Variants in FGF14 observed in about 807,000 individuals in gnomAD.
The protein encoded by FGF14 is fibroblast growth factor 14.
In FGF14, 5 loss-of-function variants were observed where a neutral mutation model predicts 25.5. The ratio of observed to expected loss-of-function variants is 0.20; its 90% CI spans 0.10 to 0.41. FGF14 has a LOEUF of 0.41. Ranked by LOEUF, FGF14 falls within the 10% of genes least tolerant of loss-of-function variation. The probability of loss-of-function intolerance (pLI) is 1.00; values close to 1 mark genes in which losing one functional copy is unlikely to be tolerated. For synonymous variants in FGF14, 138 were observed against 118.3 expected, an observed-to-expected ratio of 1.17 and a Z score of -1.08; for missense variants, 222 against 320.1, an observed-to-expected ratio of 0.69 and a Z score of 2.34.
chr13:101,966,475 TTTTTTG>T (rs201378696), intron 1 of FGF14, among the ~76,000 whole-genome samples: 2,724 of 152,038 alleles, frequency 0.018, 34 homozygotes, highest in Middle Eastern at 0.061. Flanking sequence ...TCTTGTGGTT[TTTTTTG>T]TTTTTGTTTT....
rs905619504 is a variant in FGF14 at position 102,279,727 on chromosome 13, AT to A, written c.208+121743del. On this transcript the variant is annotated intron_variant, in intron 1 of 4. Coordinates refer to the FGF14 transcript ENST00000376131. The stretch of plus-strand genomic sequence containing the variant: ...CTTAAAAAAAGTAAGTTAAAAAAAA[AT>A]TGAACCCTTCTTGGAAACAACACAG... 1.7e-3 allele frequency among the ~76,000 whole-genome samples: 266 copies of A among 152,216 alleles called. 2 individuals are homozygous for A. Among genetic ancestry groups the A allele is most frequent in the African/African-American group, 5.4e-3 (225 of 41,554 alleles).
chr13:101,859,999 G>T (rs1305360053), intron 3 of FGF14, among the ~76,000 whole-genome samples: 1 of 151,844 alleles, frequency 6.6e-6, no homozygotes, highest in Non-Finnish European at 1.5e-5. Context: ...AACAATCCAG[G>T]TTGGTTGACA....
intron 1 of FGF14, among the ~76,000 whole-genome samples, chr13:102,283,213 T>A: frequency 6.6e-6 from 1 of 152,238 alleles, no homozygotes; most frequent in South Asian, 2.1e-4. Flanking sequence ...TTGGTTACAC[T>A]ATTTTCACTG....
intron 1 of FGF14, among the ~76,000 whole-genome samples, chr13:101,953,219 T>G (rs1471830603): frequency 6.6e-6 from 1 of 152,176 alleles, no homozygotes. Context: ...TTGCACAGAC[T>G]GAAAACCATC....
chr13:102,161,564 GTGAAGAAAGAA>G (rs1338980851), intron 1 of FGF14, among the ~76,000 whole-genome samples: 2,135 of 8,302 alleles, frequency 0.26, 82 homozygotes, highest in East Asian at 0.49. Context: ...CCAACTTTCT[GTGAAGAAAGAA>G]AGAAGAAGAA....
chr13:101,968,969 T>C (rs114338777), intron 1 of FGF14, among the ~76,000 whole-genome samples: 3,053 of 150,826 alleles, frequency 0.02, 110 homozygotes, highest in African/African-American at 0.069. Context: ...TCACTTTCCA[T>C]CCACAATTCC....
chr13:102,332,124 T>C (rs1270368096), intron 1 of FGF14, among the ~76,000 whole-genome samples: 3 of 152,078 alleles, frequency 2.0e-5, no homozygotes, highest in Non-Finnish European at 4.4e-5. Context: ...GTCAGTAGGG[T>C]TAAGAGCATG....
At chr13:101,940,223 G>A (rs569909078) in intron 1 of FGF14, among the ~76,000 whole-genome samples, 2 of 152,272 alleles carry the variant, frequency 1.3e-5, no homozygotes, top group African/African-American at 2.4e-5. Context: ...AATACAAGTC[G>A]AATACAGGAG....
At chr13:101,872,904 T>C (rs1402737511) in intron 2 of FGF14, among the ~76,000 whole-genome samples, 2 of 152,118 alleles carry the variant, frequency 1.3e-5, no homozygotes, top group Non-Finnish European at 2.9e-5. Context: ...TCTTCTGATT[T>C]GCTTTTACAA....
chr13:102,024,909 T>C (rs1249666943), intron 1 of FGF14, among the ~76,000 whole-genome samples: 1 of 151,808 alleles, frequency 6.6e-6, no homozygotes, highest in Non-Finnish European at 1.5e-5. Context: ...TGTTAGGATG[T>C]ACTTCCAGAA....
chr13:102,090,944 T>C (rs2044138030), intron 1 of FGF14, among the ~76,000 whole-genome samples: 1 of 152,244 alleles, frequency 6.6e-6, no homozygotes, highest in Non-Finnish European at 1.5e-5. Context: ...CTCTCAGTTC[T>C]ATCATATTTG....
chr13:101,720,937 C>T lies in FGF14; in HGVS notation c.*1894G>A, dbSNP rs543783809. 14 of 152,100 alleles carry T rather than the reference C, an allele frequency of 9.2e-5. No homozygotes were observed. Among genetic ancestry groups the T allele is most frequent in the Admixed American group, 7.9e-4 (12 of 15,262 alleles). The allele number at this position is 152,100 out of a possible 1,614,324, so 9.4% of individuals were successfully genotyped here. On this transcript the variant is annotated 3_prime_UTR_variant, in exon 5 of 5. Transcript: ENST00000376143. ...AACAAACAGTTAAATTTCTACTAAA[C>T]CTTTAATCAGCTAAGCAGGCCAGAA... is the stretch of plus-strand genomic sequence containing the variant.
intron 1 of FGF14, among the ~76,000 whole-genome samples, chr13:102,105,381 C>T (rs995073772): frequency 2.6e-5 from 4 of 152,094 alleles, no homozygotes; most frequent in African/African-American, 9.7e-5. Flanking sequence ...TGACCTCTAT[C>T]GGTGACAATT....
At chr13:101,784,031 T>G (rs1482417838) in intron 3 of FGF14, among the ~76,000 whole-genome samples, 2 of 152,144 alleles carry the variant, frequency 1.3e-5, no homozygotes, top group Non-Finnish European at 2.9e-5. Flanking sequence ...GTTCACTATT[T>G]TGTTCCATCG....
At chr13:101,923,419 A>T (rs574866640) in intron 1 of FGF14, among the ~76,000 whole-genome samples, 34 of 152,200 alleles carry the variant, frequency 2.2e-4, no homozygotes, top group African/African-American at 7.9e-4. Context: ...AAATGTTTGA[A>T]ATACTTCCGG....
intron 1 of FGF14, among the ~76,000 whole-genome samples, chr13:102,304,365 C>A (rs2055251160): frequency 2.0e-5 from 3 of 152,128 alleles, no homozygotes; most frequent in Admixed American, 6.6e-5. Flanking sequence ...CCTACTATGT[C>A]CAATACTGTC....
chr13:102,026,249 T>C (rs1017913916), intron 1 of FGF14, among the ~76,000 whole-genome samples: 1 of 152,032 alleles, frequency 6.6e-6, no homozygotes, highest in Non-Finnish European at 1.5e-5. Flanking sequence ...AATTGAAGAA[T>C]GTATGTACGT....
At position 102,223,203 on chromosome 13, in the gene FGF14, G is replaced by A. The variant is rs565343573; in HGVS notation, c.208+178268C>T. On this transcript the variant is annotated intron_variant, in intron 1 of 4. Coordinates refer to the FGF14 transcript ENST00000376131. ...TGAGTGGGGGCAAGGGTGTATGTAA[G>A]ACCACTTTACTAAAAAATATGGCTG... is the stretch of plus-strand genomic sequence containing the variant. 3.9e-4 allele frequency among the ~76,000 whole-genome samples: 59 copies of A among 152,258 alleles called. No individual in the cohort carries two copies. In the South Asian group the frequency reaches 5.2e-3, roughly 13 times the overall value.
intron 1 of FGF14, among the ~76,000 whole-genome samples, chr13:102,109,872 G>A (rs992311526): frequency 1.3e-5 from 2 of 152,194 alleles, no homozygotes; most frequent in Non-Finnish European, 2.9e-5. Flanking sequence ...TGCCTGCCTC[G>A]GCCTTCCAAA....
Sources: gnomAD v4.1 joint callset for allele counts (sites outside exome capture counted in the v4.1 genomes callset) on GRCh38, gnomAD v4.1.1 for gene constraint, MANE v1.5 for transcripts, NCBI Gene and HGNC (gene_info 2026-07-23, HGNC 2026-07-21) for gene names.